Variants in POC1B observed in about 807,000 individuals in gnomAD.
POC1B encodes POC1 centriolar protein B.
POC1B carries 44 observed loss-of-function variants against 60.6 expected under a neutral mutation model. The observed-to-expected ratio is 0.73, with a 90% CI of 0.57 to 0.93. POC1B has a LOEUF of 0.93. Among genes scored for constraint, POC1B ranks in the 40% least tolerant of loss-of-function variants. POC1B has a pLI of 0.00. For missense variants in POC1B, 555 were observed against 572.3 expected, an observed-to-expected ratio of 0.97 and a Z score of 0.31; for synonymous variants, 180 against 198.9, an observed-to-expected ratio of 0.90 and a Z score of 0.80.
intron 2 of POC1B, chr12:89,523,899 G>T (rs781692884): frequency 1.3e-6 from 2 of 1,588,440 alleles, no homozygotes; most frequent in South Asian, 2.3e-5. Context: ...CCCCAGTGGC[G>T]AAAGTGGCCC....
intron 1 of POC1B, 48 bp downstream of exon 1, chr12:89,525,833 G>A: frequency 4.3e-6 from 6 of 1,400,794 alleles, no homozygotes; most frequent in Non-Finnish European, 5.6e-6. Context: ...CGCAGCCCGC[G>A]GGACAGGCTC....
intron 10 of POC1B, among the ~76,000 whole-genome samples, chr12:89,449,581 T>C (rs1881953369): frequency 6.6e-6 from 1 of 152,188 alleles, no homozygotes; most frequent in Non-Finnish European, 1.5e-5. Context: ...AATTGGCAAG[T>C]TGGCAATTCT....
At chr12:89,472,046 G>T in intron 5 of POC1B, 122 bp downstream of exon 5, 1 of 717,562 alleles carries the variant, frequency 1.4e-6, no homozygotes, top group Non-Finnish European at 2.3e-6. Context: ...GGCATTACAG[G>T]CGTGAGCCAC....
At chr12:89,507,913 G>A (rs973814219) in intron 2 of POC1B, among the ~76,000 whole-genome samples, 2 of 152,182 alleles carry the variant, frequency 1.3e-5, no homozygotes, top group African/African-American at 2.4e-5. Context: ...AAATGTTACC[G>A]TCTCCAGTTT....
chr12:89,442,478 A>T (rs1367049519), intron 10 of POC1B, among the ~76,000 whole-genome samples: 1 of 152,248 alleles, frequency 6.6e-6, no homozygotes, highest in Non-Finnish European at 1.5e-5. Context: ...AGAATTTTCA[A>T]CCCAGAATTT....
chr12:89,443,490 C>T lies in POC1B; in HGVS notation c.1113+16148G>A, dbSNP rs552748995. The stretch of plus-strand genomic sequence containing the variant: ...AACTACATGGAAACTGAACAACCTG[C>T]TCCTGAATGACTACTGGGTACATAA... On this transcript the variant is annotated intron_variant, in intron 10 of 11. Transcript: ENST00000313546. 4.6e-5 allele frequency among the ~76,000 whole-genome samples: 7 copies of T among 152,018 alleles called. No individual in the cohort carries two copies. In the South Asian group the frequency reaches 1.0e-3, roughly 23 times the overall value.
the POC1B span, among the ~76,000 whole-genome samples, chr12:89,410,548 C>G: frequency 6.6e-6 from 1 of 151,878 alleles, no homozygotes; most frequent in South Asian, 2.1e-4. Context: ...GGCATGGTGG[C>G]GGGCGCCTGT....
intron 9 of POC1B, among the ~76,000 whole-genome samples, chr12:89,466,122 A>C (rs1391100387): frequency 6.6e-6 from 1 of 152,218 alleles, no homozygotes; most frequent in African/African-American, 2.4e-5. Flanking sequence ...TTAGAAGAGA[A>C]ACAGCTGAAG....
chr12:89,472,066 C>A, intron 5 of POC1B, 102 bp downstream of exon 5: 1 of 846,980 alleles, frequency 1.2e-6, no homozygotes, highest in Non-Finnish European at 1.9e-6. Context: ...CTGCACCCGG[C>A]CATATTTCAA....
chr12:89,456,472 C>G (rs1006103957), intron 10 of POC1B, among the ~76,000 whole-genome samples: 6 of 152,096 alleles, frequency 3.9e-5, no homozygotes, highest in African/African-American at 1.4e-4. Context: ...GAATCCTGGT[C>G]TAGTTCTAAC....
At chr12:89,473,887 C>T (rs1883005368) in intron 4 of POC1B, among the ~76,000 whole-genome samples, 1 of 151,768 alleles carries the variant, frequency 6.6e-6, no homozygotes, top group South Asian at 2.1e-4. Context: ...CTCAGTATCC[C>T]CACGGATAAA....
At chr12:89,423,820 T>A (rs1880643995) in intron 11 of POC1B, among the ~76,000 whole-genome samples, 1 of 152,052 alleles carries the variant, frequency 6.6e-6, no homozygotes, top group Non-Finnish European at 1.5e-5. Context: ...TTGAATCTGG[T>A]AAAAAGGAGG....
At chr12:89,454,774 T>A (rs562716138) in intron 10 of POC1B, among the ~76,000 whole-genome samples, 35 of 152,170 alleles carry the variant, frequency 2.3e-4, no homozygotes, top group Non-Finnish European at 4.7e-4. Flanking sequence ...ATTTTTTAGA[T>A]CTGTGAATTG....
chr12:89,444,141 C>T (rs1242335767), intron 10 of POC1B, among the ~76,000 whole-genome samples: 1 of 152,146 alleles, frequency 6.6e-6, no homozygotes, highest in Non-Finnish European at 1.5e-5. Context: ...AAGTCCAGGA[C>T]CAGAACGGTT....
At chr12:89,521,705 G>T (rs982959563) in intron 2 of POC1B, 10 of 276,894 alleles carry the variant, frequency 3.6e-5, no homozygotes, top group Non-Finnish European at 5.4e-5. Context: ...CATTCATTCA[G>T]TCATTCATTC....
At chr12:89,503,664 T>C (rs1869723043) in intron 2 of POC1B, among the ~76,000 whole-genome samples, 1 of 144,306 alleles carries the variant, frequency 6.9e-6, no homozygotes, top group Non-Finnish European at 1.5e-5. Context: ...CCATCTGGGA[T>C]GTGAGGAGAG....
Position 89,421,040 on chromosome 12 carries a change from G to T in POC1B, c.*113C>A. On this transcript the variant is annotated 3_prime_UTR_variant, in exon 12 of 12. Coordinates refer to ENST00000313546, the MANE Select transcript of POC1B (RefSeq NM_172240.3). Reference sequence around the variant, plus strand: ...TGCTCACCCTTTTAAGAAATGCCATGATAAATAGCACATGGTTGTGTTGTA... The same window carrying T: ...TGCTCACCCTTTTAAGAAATGCCATTATAAATAGCACATGGTTGTGTTGTA... 1.3e-6 allele frequency: 1 copy of T among 755,566 alleles called. No homozygotes were observed. 46.8% of individuals were successfully genotyped at this position (755,566 alleles called of 1,614,324 possible). A position where few individuals can be genotyped will look rare whatever the true frequency, so the allele number is the denominator to read the frequency against.
chr12:89,475,509 C>A (rs562585051), intron 4 of POC1B, among the ~76,000 whole-genome samples: 18 of 152,132 alleles, frequency 1.2e-4, no homozygotes, highest in South Asian at 2.1e-4. Context: ...ATGATGATTT[C>A]TATTTCCTCC....
At chr12:89,514,697 T>C (rs1286510103) in intron 2 of POC1B, among the ~76,000 whole-genome samples, 3 of 152,126 alleles carry the variant, frequency 2.0e-5, no homozygotes, top group Non-Finnish European at 2.9e-5. Context: ...CATAAGCCAC[T>C]GCGCCCGGCC....
Sources: gnomAD v4.1 joint callset for allele counts (sites outside exome capture counted in the v4.1 genomes callset) on GRCh38, gnomAD v4.1.1 for gene constraint, MANE v1.5 for transcripts, NCBI Gene and HGNC (gene_info 2026-07-23, HGNC 2026-07-21) for gene names.